GPC3: variants seen among roughly 807,000 people sequenced by gnomAD.
GPC3 encodes the protein glypican 3.
In GPC3, 3 loss-of-function variants were observed where a neutral mutation model predicts 34.4. That is an observed-to-expected ratio of 0.09 (90% CI 0.04 to 0.23). GPC3 has a LOEUF of 0.23. GPC3 is among the 10% of genes least tolerant of loss of function. The pLI is 1.00. For missense variants in GPC3, 351 were observed against 445.6 expected, an observed-to-expected ratio of 0.79 and a Z score of 1.91; for synonymous variants, 177 against 174.0, an observed-to-expected ratio of 1.02 and a Z score of -0.13.
intron 1 of GPC3, among the ~76,000 whole-genome samples, chrX:133,961,110 C>T (rs924730822): frequency 3.6e-5 from 4 of 111,670 alleles, no homozygotes; most frequent in South Asian, 3.8e-4. Flanking sequence ...CATTAAAAAC[C>T]GGTGGGGAAA....
intron 2 of GPC3, among the ~76,000 whole-genome samples, chrX:133,850,648 T>C (rs1000274604): frequency 9.0e-6 from 1 of 111,277 alleles, no homozygotes; most frequent in African/African-American, 3.3e-5. Flanking sequence ...GTACAAGGCA[T>C]ATCTATTTGG....
At chrX:133,550,910 T>C (rs1469176872) in intron 7 of GPC3, among the ~76,000 whole-genome samples, 1 of 112,323 alleles carries the variant, frequency 8.9e-6, no homozygotes, top group Non-Finnish European at 1.9e-5. Context: ...CCACACTCAG[T>C]GTGGATGGAA....
chrX:133,719,869 A>C (rs1162884266), intron 3 of GPC3, among the ~76,000 whole-genome samples: 1 of 111,791 alleles, frequency 8.9e-6, no homozygotes, highest in Non-Finnish European at 1.9e-5. Flanking sequence ...CAGAAAGAAA[A>C]AACAAATAGT....
chrX:133,707,917 T>C (rs762934353), intron 3 of GPC3, among the ~76,000 whole-genome samples: 8 of 111,840 alleles, frequency 7.2e-5, no homozygotes, highest in Non-Finnish European at 1.3e-4. Flanking sequence ...CCTCATAATG[T>C]AGAAAATATT....
At chrX:133,765,924 T>C (rs1037049985) in intron 2 of GPC3, among the ~76,000 whole-genome samples, 1 of 111,752 alleles carries the variant, frequency 8.9e-6, no homozygotes, top group African/African-American at 3.3e-5. Flanking sequence ...AAAGCCTTAG[T>C]CATTCATATA....
At chrX:133,689,578 G>A (rs755572312) in intron 5 of GPC3, among the ~76,000 whole-genome samples, 1 of 111,792 alleles carries the variant, frequency 8.9e-6, no homozygotes, top group African/African-American at 3.2e-5. Flanking sequence ...AAACTGGATC[G>A]ATCTGATTTT....
chrX:133,918,186 A>G lies in GPC3; in HGVS notation c.337+34864T>C, dbSNP rs369843829. On this transcript the variant is annotated intron_variant, in intron 2 of 7. Coordinates refer to ENST00000370818, the MANE Select transcript of GPC3 (RefSeq NM_004484.4). ...TGATTGGTTTTATTCTTTTATGACT[A>G]CTTAAGCAGGAGAGGAGTGAATGGG... Among the ~76,000 whole-genome samples, 4 of 112,432 alleles carry G rather than the reference A, an allele frequency of 3.6e-5. No individual in the cohort carries two copies. In the East Asian group the frequency reaches 8.3e-4, roughly 23 times the overall value.
At chrX:133,596,406 T>C in intron 7 of GPC3, 34 bp downstream of exon 7, 2 of 1,167,761 alleles carry the variant, frequency 1.7e-6, no homozygotes, top group Non-Finnish European at 2.3e-6. Flanking sequence ...ATCACCATTT[T>C]TAGATTACAT....
intron 2 of GPC3, among the ~76,000 whole-genome samples, chrX:133,754,878 G>A (rs1168077660): frequency 8.9e-6 from 1 of 111,886 alleles, no homozygotes; most frequent in Non-Finnish European, 1.9e-5. Flanking sequence ...ACATCCGGAG[G>A]GATAACTACT....
chrX:133,842,088 G>A (rs1435181216), intron 2 of GPC3, among the ~76,000 whole-genome samples: 2 of 111,716 alleles, frequency 1.8e-5, no homozygotes, highest in Admixed American at 9.5e-5. Context: ...AGACAGAGGC[G>A]GGCAGATCAC....
intron 5 of GPC3, among the ~76,000 whole-genome samples, chrX:133,673,174 G>A (rs1339616346): frequency 1.8e-5 from 2 of 111,042 alleles, no homozygotes; most frequent in East Asian, 5.6e-4. Context: ...CTCCGACCTC[G>A]TGATCCACCT....
chrX:133,798,365 T>C (rs1331997091), intron 2 of GPC3, among the ~76,000 whole-genome samples: 2 of 111,331 alleles, frequency 1.8e-5, no homozygotes, highest in African/African-American at 3.3e-5. Context: ...GCTTTAGTAC[T>C]CAAAATGTTC....
chrX:133,730,800 A>T (rs761450748), intron 3 of GPC3, among the ~76,000 whole-genome samples: 24 of 110,509 alleles, frequency 2.2e-4, no homozygotes, highest in South Asian at 7.6e-4. Flanking sequence ...GTCATATATA[A>T]AAAAAAAGGA....
chrX:133,975,431 C>T (rs1006802192), intron 1 of GPC3, among the ~76,000 whole-genome samples: 2 of 111,852 alleles, frequency 1.8e-5, no homozygotes, highest in African/African-American at 6.5e-5. Context: ...CATGAAAGCC[C>T]CCTCTTTTTT....
At chrX:133,621,186 G>A (rs1480670357) in intron 6 of GPC3, among the ~76,000 whole-genome samples, 1 of 111,601 alleles carries the variant, frequency 9.0e-6, no homozygotes, top group Non-Finnish European at 1.9e-5. Flanking sequence ...TCAGGGGAGA[G>A]GTTCCAAGAT....
intron 2 of GPC3, among the ~76,000 whole-genome samples, chrX:133,887,636 T>A (rs1213159712): frequency 3.6e-5 from 4 of 111,981 alleles, no homozygotes; most frequent in Non-Finnish European, 7.5e-5. Context: ...GTTATTTATA[T>A]CCTACTGTTC....
intron 2 of GPC3, among the ~76,000 whole-genome samples, chrX:133,946,008 T>C (rs1307856816): frequency 8.9e-6 from 1 of 112,035 alleles, no homozygotes; most frequent in Non-Finnish European, 1.9e-5. Flanking sequence ...TTAGGATGCC[T>C]TGCACCCAAG....
chrX:133,667,400 TA>T (rs1208791842), intron 5 of GPC3, among the ~76,000 whole-genome samples: 1 of 111,853 alleles, frequency 8.9e-6, no homozygotes, highest in African/African-American at 3.3e-5. Context: ...TTCCTGTTAA[TA>T]AGAGTTATGT....
intron 7 of GPC3, among the ~76,000 whole-genome samples, chrX:133,596,029 G>A (rs1329618143): frequency 9.0e-6 from 1 of 111,360 alleles, no homozygotes; most frequent in African/African-American, 3.3e-5. Flanking sequence ...TAAGTTCAGG[G>A]GTACATGTCT....
Sources: allele counts gnomAD v4.1 joint callset (sites outside exome capture counted in the v4.1 genomes callset), GRCh38; gene constraint gnomAD v4.1.1; transcripts MANE v1.5; gene names NCBI Gene and HGNC (gene_info 2026-07-23, HGNC 2026-07-21).